ZMYM2: variants seen among roughly 807,000 people sequenced by gnomAD.
ZMYM2 encodes zinc finger MYM-type protein 2.
Under a neutral mutation model 162.8 loss-of-function variants are expected in ZMYM2, and 56 were observed. The observed-to-expected ratio is 0.34, with a 90% CI of 0.28 to 0.43. The LOEUF is 0.43. Ranked by LOEUF, ZMYM2 falls within the 20% of genes least tolerant of loss-of-function variation. The pLI is 1.00. For missense variants in ZMYM2, 1,275 were observed against 1,621.8 expected (o/e 0.79, Z 3.67); for synonymous variants, 510 against 541.6 (o/e 0.94, Z 0.81).
intron 7 of ZMYM2, among the ~76,000 whole-genome samples, chr13:20,023,887 T>C (rs1167416053): frequency 1.3e-5 from 2 of 152,178 alleles, no homozygotes; most frequent in East Asian, 3.8e-4. Flanking sequence ...TATTGAAATA[T>C]TCTCAGTGAT....
the ZMYM2 span, among the ~76,000 whole-genome samples, chr13:19,924,500 G>A: frequency 5.6e-4 from 85 of 152,206 alleles, no homozygotes; most frequent in Non-Finnish European, 1.0e-3. Flanking sequence ...TGCAGGAGGC[G>A]GAGGCTGCAG....
At chr13:19,882,332 A>G in the ZMYM2 span, among the ~76,000 whole-genome samples, 10 of 152,218 alleles carry the variant, frequency 6.6e-5, no homozygotes, top group African/African-American at 2.4e-4. Context: ...CAATGACAAA[A>G]AGGCAAACAA....
the ZMYM2 span, among the ~76,000 whole-genome samples, chr13:19,941,254 G>A: frequency 2.0e-5 from 3 of 151,696 alleles, no homozygotes; most frequent in African/African-American, 4.8e-5. Context: ...GTTGCAATGA[G>A]TGGAGATTGT....
the ZMYM2 span, among the ~76,000 whole-genome samples, chr13:19,923,262 C>A: frequency 1.4e-5 from 2 of 139,948 alleles, no homozygotes; most frequent in East Asian, 4.4e-4. Context: ...GAGGCTGAGG[C>A]AGGAGAATCC....
chr13:19,994,575 C>T (rs1037329937), intron 3 of ZMYM2, among the ~76,000 whole-genome samples: 23 of 151,914 alleles, frequency 1.5e-4, no homozygotes, highest in African/African-American at 5.3e-4. Context: ...CTGCAATCTC[C>T]GCCTCCTGTG....
chr13:19,874,616 A>G, the ZMYM2 span, among the ~76,000 whole-genome samples: 3 of 152,142 alleles, frequency 2.0e-5, no homozygotes, highest in Admixed American at 6.6e-5. Flanking sequence ...TTGTAGGAAT[A>G]TATGTGATTG....
At chr13:20,060,967 T>C in intron 16 of ZMYM2, 86 bp from the exon 17 acceptor site, 1 of 1,289,048 alleles carries the variant, frequency 7.8e-7, no homozygotes, top group Non-Finnish European at 1.1e-6. Flanking sequence ...TATTACAAAG[T>C]AGATCATGTG....
Position 20,085,914 on chromosome 13 carries a change from C to G in ZMYM2, c.4034C>G (p.Ser1345Ter), listed in dbSNP as rs1429293566. 1 of 1,613,846 alleles carries G rather than the reference C, an allele frequency of 6.2e-7. No individual in the cohort carries two copies. Among genetic ancestry groups the G allele is most frequent in the Non-Finnish European group, 8.5e-7 (1 of 1,179,784 alleles). ...AGCCCTGTCTGGTATACGTCTACTTCACTGGACCGAAACACCTTGGAAAAT... is the reference window on the plus strand; with the variant it reads ...AGCCCTGTCTGGTATACGTCTACTTGACTGGACCGAAACACCTTGGAAAAT... ...TDSPVWYTST[S>*]LDRNTLENML... is the part of the protein sequence containing the mutation. The change falls in exon 25 of 25, where the codon TCA becomes TGA. Residue 1345 changes from serine (S) to a stop codon, truncating the protein, a stop_gained. Transcript: ENST00000610343. LOFTEE classifies it high-confidence loss of function.
intron 2 of ZMYM2, among the ~76,000 whole-genome samples, chr13:19,968,329 G>A (rs1955995549): frequency 6.7e-6 from 1 of 149,960 alleles, no homozygotes; most frequent in African/African-American, 2.5e-5. Flanking sequence ...TGCAACCTCC[G>A]CCTCCCGGGT....
intron 7 of ZMYM2, among the ~76,000 whole-genome samples, chr13:20,023,744 A>G (rs1566323448): frequency 6.6e-6 from 1 of 152,202 alleles, no homozygotes; most frequent in Admixed American, 6.5e-5. Context: ...AATTTGTATG[A>G]AATTTAAATA....
intron 21 of ZMYM2, among the ~76,000 whole-genome samples, chr13:20,073,823 GTT>G (rs57880477): frequency 1.3e-5 from 2 of 151,386 alleles, no homozygotes; most frequent in African/African-American, 4.9e-5. Flanking sequence ...GTCTTAAATA[GTT>G]TTTTTTTCTC....
At chr13:20,003,475 A>G (rs938131919) in intron 4 of ZMYM2, among the ~76,000 whole-genome samples, 2 of 152,202 alleles carry the variant, frequency 1.3e-5, no homozygotes, top group East Asian at 3.8e-4. Context: ...CCCTGTCTTC[A>G]GATCAAGATT....
chr13:20,024,135 A>C (rs1952364510), intron 7 of ZMYM2, among the ~76,000 whole-genome samples: 1 of 151,954 alleles, frequency 6.6e-6, no homozygotes, highest in African/African-American at 2.4e-5. Context: ...GGGTTTTGCC[A>C]TGTTGGCCAG....
At chr13:19,884,128 T>C in the ZMYM2 span, among the ~76,000 whole-genome samples, 1 of 152,200 alleles carries the variant, frequency 6.6e-6, no homozygotes, top group Non-Finnish European at 1.5e-5. Flanking sequence ...CCTAGCACCT[T>C]GGAAGGCTGA....
chr13:20,042,736 T>A (rs1954385010), intron 12 of ZMYM2, among the ~76,000 whole-genome samples: 1 of 148,272 alleles, frequency 6.7e-6, no homozygotes, highest in African/African-American at 2.6e-5. Context: ...TTTTTTTTAT[T>A]TTTTTGAGAT....
chr13:19,919,634 G>A, the ZMYM2 span, among the ~76,000 whole-genome samples: 567 of 150,086 alleles, frequency 3.8e-3, 3 homozygotes, highest in African/African-American at 0.013. Flanking sequence ...TGCCATCCAT[G>A]TATTTTCTTT....
intron 21 of ZMYM2, among the ~76,000 whole-genome samples, chr13:20,068,705 A>G (rs1179382419): frequency 6.6e-6 from 1 of 151,772 alleles, no homozygotes; most frequent in African/African-American, 2.4e-5. Context: ...TTGGTCCTCT[A>G]GTTTCAGAAC....
chr13:19,883,801 G>A, the ZMYM2 span, among the ~76,000 whole-genome samples: 30 of 152,182 alleles, frequency 2.0e-4, no homozygotes, highest in Admixed American at 1.8e-3. Context: ...CTGTTGCCCA[G>A]GCTGGAGCGC....
chr13:19,932,519 C>T, the ZMYM2 span, among the ~76,000 whole-genome samples: 1 of 151,922 alleles, frequency 6.6e-6, no homozygotes, highest in African/African-American at 2.4e-5. Context: ...GGTGGTGGTG[C>T]GCGCCTGTAA....
Sources: gnomAD v4.1 joint callset for allele counts (sites outside exome capture counted in the v4.1 genomes callset) on GRCh38, gnomAD v4.1.1 for gene constraint, MANE v1.5 for transcripts, NCBI Gene and HGNC (gene_info 2026-07-23, HGNC 2026-07-21) for gene names.